The following SLC24A4 variants were observed in gnomAD, a reference collection of about 807,000 sequenced individuals.
SLC24A4 encodes the protein solute carrier family 24 member 4, also known as sodium/potassium/calcium exchanger 4.
A neutral mutation model predicts 79.0 loss-of-function variants in SLC24A4; 53 were observed. The observed-to-expected ratio is 0.67, with a 90% confidence interval of 0.54 to 0.84. The LOEUF is 0.84. Among genes scored for constraint, SLC24A4 ranks in the 40% least tolerant of loss-of-function variants. The pLI is 0.00. For synonymous variants in SLC24A4, 323 were observed against 323.8 expected (o/e 1.00, Z 0.03); for missense variants, 731 against 822.0 (o/e 0.89, Z 1.35).
At chr14:92,444,262 T>C (rs1348175701) in intron 7 of SLC24A4, among the ~76,000 whole-genome samples, 1 of 152,180 alleles carries the variant, frequency 6.6e-6, no homozygotes, top group Non-Finnish European at 1.5e-5. Flanking sequence ...CATATTTCAG[T>C]ATGTAAATGT....
rs561706364 is a variant in SLC24A4, at chr14:92,363,364, T to C, written c.241+37386T>C. 2.0e-5 allele frequency among the ~76,000 whole-genome samples: 3 copies of C among 152,366 alleles called. No homozygotes were observed. In the East Asian group the frequency reaches 5.8e-4, roughly 29 times the overall value. ...CCCCATGCCGTCCCAGGCCAGCCTG[T>C]GTGCCATGGTCCACTGGCTACCAGC... is the stretch of plus-strand genomic sequence containing the variant. On this transcript the variant is annotated intron_variant, in intron 2 of 16. Coordinates refer to ENST00000532405, the MANE Select transcript of SLC24A4 (RefSeq NM_153646.4).
At chr14:92,375,892 T>C (rs966692795) in intron 2 of SLC24A4, among the ~76,000 whole-genome samples, 1 of 152,194 alleles carries the variant, frequency 6.6e-6, no homozygotes, top group Non-Finnish European at 1.5e-5. Flanking sequence ...AACAAGATGG[T>C]TCTTCCCAAA....
At chr14:92,439,130 A>G (rs776485411) in intron 3 of SLC24A4, among the ~76,000 whole-genome samples, 1 of 152,182 alleles carries the variant, frequency 6.6e-6, no homozygotes, top group Non-Finnish European at 1.5e-5. Flanking sequence ...ACTGCTCAGC[A>G]TGTTATCTCC....
chr14:92,364,584 C>G (rs1243774622), intron 2 of SLC24A4, among the ~76,000 whole-genome samples: 2 of 152,156 alleles, frequency 1.3e-5, no homozygotes, highest in Non-Finnish European at 2.9e-5. Context: ...AACACACAGC[C>G]CAGTGGAAAA....
chr14:92,409,269 T>C (rs1369256900), intron 2 of SLC24A4, among the ~76,000 whole-genome samples: 1 of 152,170 alleles, frequency 6.6e-6, no homozygotes, highest in Non-Finnish European at 1.5e-5. Context: ...AGAATGGACC[T>C]AGGGAAGGAG....
intron 12 of SLC24A4, among the ~76,000 whole-genome samples, chr14:92,468,546 C>A (rs1345908973): frequency 6.6e-6 from 1 of 152,124 alleles, no homozygotes; most frequent in East Asian, 1.9e-4. Flanking sequence ...CTGGCACTGG[C>A]ATAAGGATAG....
chr14:92,493,365 C>T, intron 16 of SLC24A4, 111 bp from the exon 17 acceptor site: 1 of 1,317,044 alleles, frequency 7.6e-7, no homozygotes, highest in Non-Finnish European at 1.1e-6. Flanking sequence ...TACACTTGCC[C>T]ACATTCTGCA....
At chr14:92,447,329 C>T (rs756673324) in intron 8 of SLC24A4, 42 bp from the exon 9 acceptor site, 24 of 1,600,726 alleles carry the variant, frequency 1.5e-5, no homozygotes, top group South Asian at 2.2e-5. Flanking sequence ...TCACCTGCCC[C>T]GGGCCCCGAG....
chr14:92,459,522 C>G (rs1250842588), intron 12 of SLC24A4, among the ~76,000 whole-genome samples: 8 of 152,136 alleles, frequency 5.3e-5, no homozygotes, highest in Admixed American at 5.2e-4. Flanking sequence ...CCCCTGGGCT[C>G]AGTGCATGCC....
intron 13 of SLC24A4, among the ~76,000 whole-genome samples, chr14:92,485,568 T>C (rs1211870527): frequency 6.6e-6 from 1 of 152,186 alleles, no homozygotes; most frequent in Non-Finnish European, 1.5e-5. Context: ...AATTTTTAAT[T>C]TTTCTGAATA....
At chr14:92,485,441 G>T (rs987719704) in intron 13 of SLC24A4, among the ~76,000 whole-genome samples, 1 of 151,994 alleles carries the variant, frequency 6.6e-6, no homozygotes, top group African/African-American at 2.4e-5. Context: ...CTCCAGCCTG[G>T]GCTATGGAGC....
chr14:92,491,868 C>A, intron 15 of SLC24A4, 91 bp downstream of exon 15: 1 of 994,326 alleles, frequency 1.0e-6, no homozygotes. Flanking sequence ...GAGACGACCT[C>A]CTCCTCTCCT....
At chr14:92,470,356 G>A (rs1894370615) in intron 12 of SLC24A4, among the ~76,000 whole-genome samples, 1 of 152,152 alleles carries the variant, frequency 6.6e-6, no homozygotes, top group Non-Finnish European at 1.5e-5. Context: ...GCATCATCCA[G>A]TGATGCATGC....
intron 2 of SLC24A4, among the ~76,000 whole-genome samples, chr14:92,428,207 C>T (rs939033281): frequency 6.6e-6 from 1 of 152,210 alleles, no homozygotes; most frequent in African/African-American, 2.4e-5. Flanking sequence ...AGGAGAGCCT[C>T]TTGACGCTTA....
chr14:92,467,689 A>G lies in SLC24A4; in HGVS notation c.1255+11081A>G, dbSNP rs72631613. ...CCAGGCCAGTGTAGCATGTGCTGGG[A>G]GGAAAAGTAGGAGGTAAAGGCCTGC... is the stretch of plus-strand genomic sequence containing the variant. On this transcript the variant is annotated intron_variant, in intron 12 of 16. Coordinates refer to ENST00000532405, the MANE Select transcript of SLC24A4 (RefSeq NM_153646.4). 5.1e-4 allele frequency among the ~76,000 whole-genome samples: 77 copies of G among 152,244 alleles called. No homozygotes were observed. The South Asian group carries it at 0.016, about 31-fold the overall frequency.
intron 1 of SLC24A4, 151 bp downstream of exon 1, chr14:92,324,111 G>A (rs1595114522): frequency 2.7e-6 from 3 of 1,111,792 alleles, no homozygotes; most frequent in Non-Finnish European, 3.7e-6. Flanking sequence ...GGTAGAGCGC[G>A]CCCAGAAGAG....
chr14:92,368,226 C>T (rs1158970533), intron 2 of SLC24A4, among the ~76,000 whole-genome samples: 1 of 152,150 alleles, frequency 6.6e-6, no homozygotes, highest in East Asian at 1.9e-4. Flanking sequence ...TAATTTCCAA[C>T]AAGTTAATGC....
At chr14:92,434,580 T>C (rs921208871) in intron 3 of SLC24A4, among the ~76,000 whole-genome samples, 1 of 152,162 alleles carries the variant, frequency 6.6e-6, no homozygotes, top group Admixed American at 6.5e-5. Flanking sequence ...GTAGCACCAA[T>C]TGCAGCTCCC....
chr14:92,466,233 G>T (rs1894111007), intron 12 of SLC24A4, among the ~76,000 whole-genome samples: 1 of 152,212 alleles, frequency 6.6e-6, no homozygotes, highest in Non-Finnish European at 1.5e-5. Context: ...TCAGCAAGCG[G>T]AAGTTAACAT....
Sources: gnomAD v4.1 joint callset for allele counts (sites outside exome capture counted in the v4.1 genomes callset) on GRCh38, gnomAD v4.1.1 for gene constraint, MANE v1.5 for transcripts, NCBI Gene and HGNC (gene_info 2026-07-23, HGNC 2026-07-21) for gene names.